Variants in ACSL4 observed in about 807,000 individuals in gnomAD.
ACSL4 encodes long-chain-fatty-acid--CoA ligase 4.
Under a neutral mutation model 49.1 loss-of-function variants are expected in ACSL4, and 9 were observed. That is an observed-to-expected ratio of 0.18 (90% confidence interval 0.11 to 0.32). The LOEUF is 0.32. Ranked by LOEUF, ACSL4 falls within the 10% of genes least tolerant of loss-of-function variation. The pLI, the probability that ACSL4 is intolerant of heterozygous loss-of-function variation, is 1.00. For synonymous variants in ACSL4, 191 were observed against 170.3 expected (o/e 1.12, Z -0.95); for missense variants, 333 against 493.7 (o/e 0.67, Z 3.08).
chrX:109,662,131 C>T (rs370106624), intron 13 of ACSL4, among the ~76,000 whole-genome samples: 78 of 111,220 alleles, frequency 7.0e-4, no homozygotes, highest in Middle Eastern at 4.6e-3. Flanking sequence ...ACATTTAACA[C>T]ATGTTAATTC....
intron 8 of ACSL4, 32 bp downstream of exon 8, chrX:109,677,956 C>T (rs372073056): frequency 2.0e-5 from 24 of 1,205,599 alleles, no homozygotes; most frequent in East Asian, 5.9e-5. Flanking sequence ...CAGCATCATA[C>T]GATCATGCCA....
Position 109,673,109 on chromosome X carries a change from T to A in ACSL4, c.1002+1293A>T, listed in dbSNP as rs190789974. 2.7e-5 allele frequency among the ~76,000 whole-genome samples: 3 copies of A among 112,098 alleles called. No individual in the cohort carries two copies. The East Asian group carries it at 8.4e-4, about 31-fold the overall frequency. ...GGAGCCTATGTGCTAACTGTGCTTATCCTTCAGGCCTAAAATCGGAGATTA... is the reference window on the plus strand; with the variant it reads ...GGAGCCTATGTGCTAACTGTGCTTAACCTTCAGGCCTAAAATCGGAGATTA... On this transcript the variant is annotated intron_variant, in intron 9 of 15. Coordinates refer to ENST00000672401, the MANE Select transcript of ACSL4 (RefSeq NM_001318510.2).
chrX:109,681,232 G>A (rs767751637), intron 5 of ACSL4, 34 bp downstream of exon 5: 16 of 1,196,021 alleles, frequency 1.3e-5, no homozygotes, highest in Admixed American at 2.2e-5. Flanking sequence ...GCCAGACAAC[G>A]CAACCATGAA....
chrX:109,721,220 T>C (rs917362256), intron 1 of ACSL4, among the ~76,000 whole-genome samples: 1 of 111,880 alleles, frequency 8.9e-6, no homozygotes, highest in Non-Finnish European at 1.9e-5. Flanking sequence ...GAGTTTTCAG[T>C]TTTCAGTTCA....
At chrX:109,680,898 A>G in intron 6 of ACSL4, 100 bp downstream of exon 6, 1 of 932,840 alleles carries the variant, frequency 1.1e-6, no homozygotes, top group South Asian at 2.2e-5. Flanking sequence ...TTTTCAGTCA[A>G]AGAACTTTTG....
At chrX:109,670,773 G>A (rs1431055737) in intron 9 of ACSL4, among the ~76,000 whole-genome samples, 1 of 111,312 alleles carries the variant, frequency 9.0e-6, no homozygotes, top group Non-Finnish European at 1.9e-5. Context: ...TTGCAGGCGC[G>A]TGCCGCCACG....
intron 13 of ACSL4, 81 bp downstream of exon 13, chrX:109,663,130 T>A: frequency 1.1e-6 from 1 of 902,822 alleles, no homozygotes; most frequent in Non-Finnish European, 1.6e-6. Flanking sequence ...ATCAACTTTA[T>A]TAATGACTGA....
At chrX:109,729,617 G>A (rs2147567725) in intron 1 of ACSL4, among the ~76,000 whole-genome samples, 1 of 111,613 alleles carries the variant, frequency 9.0e-6, no homozygotes, top group Admixed American at 9.5e-5. Context: ...AAAATCCTGT[G>A]GACAACTGTT....
chrX:109,705,297 T>C (rs1033159450), intron 1 of ACSL4, among the ~76,000 whole-genome samples: 3 of 112,205 alleles, frequency 2.7e-5, no homozygotes, highest in Non-Finnish European at 5.6e-5. Context: ...GTCTCTGCAG[T>C]GTACATTTCT....
chrX:109,663,997 A>C (rs1244059517), intron 12 of ACSL4, among the ~76,000 whole-genome samples: 2 of 111,675 alleles, frequency 1.8e-5, no homozygotes, highest in African/African-American at 6.5e-5. Context: ...GTATTACTGA[A>C]GGAAGCTTAC....
At chrX:109,725,533 C>T (rs987567772) in intron 1 of ACSL4, among the ~76,000 whole-genome samples, 3 of 110,954 alleles carry the variant, frequency 2.7e-5, no homozygotes, top group South Asian at 3.8e-4. Context: ...GAGGCCAAGG[C>T]GGGCGGATCA....
chrX:109,683,447 G>A, intron 2 of ACSL4, 72 bp from the exon 3 acceptor site: 2 of 1,211,027 alleles, frequency 1.7e-6, no homozygotes, highest in Non-Finnish European at 2.2e-6. Context: ...AAGTGGACAG[G>A]CAGCAAAATA....
At chrX:109,659,066 A>C (rs776688086) in intron 15 of ACSL4, among the ~76,000 whole-genome samples, 1 of 111,702 alleles carries the variant, frequency 9.0e-6, no homozygotes, top group South Asian at 3.7e-4. Flanking sequence ...TACAGACACA[A>C]AGTAGATTTA....
chrX:109,673,879 CT>C (rs367622678), intron 9 of ACSL4, among the ~76,000 whole-genome samples: 7 of 107,318 alleles, frequency 6.5e-5, no homozygotes, highest in Admixed American at 2.0e-4. Flanking sequence ...AATGTAACAT[CT>C]TTTTTTTTTA....
chrX:109,725,491 G>A (rs1016508586), intron 1 of ACSL4, among the ~76,000 whole-genome samples: 1 of 111,369 alleles, frequency 9.0e-6, no homozygotes, highest in African/African-American at 3.3e-5. Context: ...TGGCTGGTGC[G>A]GTGGCTCACA....
intron 1 of ACSL4, among the ~76,000 whole-genome samples, chrX:109,727,312 A>G (rs1235068226): frequency 9.0e-6 from 1 of 111,544 alleles, no homozygotes; most frequent in East Asian, 2.8e-4. Flanking sequence ...TCTTACTACT[A>G]TGTACTTAAA....
At chrX:109,676,764 G>A (rs181715959) in intron 8 of ACSL4, among the ~76,000 whole-genome samples, 21 of 111,487 alleles carry the variant, frequency 1.9e-4, no homozygotes, top group African/African-American at 6.2e-4. Flanking sequence ...GAACTACAGA[G>A]AGAAGGAAGA....
At chrX:109,709,316 C>T (rs1926582960) in intron 1 of ACSL4, among the ~76,000 whole-genome samples, 1 of 112,150 alleles carries the variant, frequency 8.9e-6, no homozygotes, top group African/African-American at 3.2e-5. Context: ...TCCATCAGTA[C>T]TTTCTTCTTT....
intron 1 of ACSL4, among the ~76,000 whole-genome samples, chrX:109,699,798 T>A (rs973075585): frequency 1.8e-5 from 2 of 111,695 alleles, no homozygotes; most frequent in Admixed American, 1.9e-4. Context: ...TAAAATTTAT[T>A]TTAAAAATCA....
Sources: allele counts gnomAD v4.1 joint callset (sites outside exome capture counted in the v4.1 genomes callset), GRCh38; gene constraint gnomAD v4.1.1; transcripts MANE v1.5; gene names NCBI Gene and HGNC (gene_info 2026-07-23, HGNC 2026-07-21).